The following RBMS1 variants were observed in gnomAD, a reference collection of about 807,000 sequenced individuals.
RBMS1 encodes RNA binding motif single stranded interacting protein 1, also known as RNA-binding motif, single-stranded-interacting protein 1.
A neutral mutation model predicts 62.3 loss-of-function variants in RBMS1; 17 were observed. The ratio of observed to expected loss-of-function variants is 0.27; its 90% CI spans 0.19 to 0.41. The LOEUF (loss-of-function observed/expected upper bound fraction) is 0.41. Among genes scored for constraint, RBMS1 ranks in the 10% least tolerant of loss-of-function variants. The pLI, the probability that RBMS1 is intolerant of heterozygous loss-of-function variation, is 1.00. For synonymous variants in RBMS1, 172 were observed against 170.0 expected (o/e 1.01, Z -0.09); for missense variants, 334 against 504.5 (o/e 0.66, Z 3.24).
At chr2:160,284,901 T>G (rs757696317) in intron 8 of RBMS1, 33 bp from the exon 9 acceptor site, 5 of 1,566,782 alleles carry the variant, frequency 3.2e-6, no homozygotes, top group Non-Finnish European at 4.4e-6. Context: ...TATTAAGTAA[T>G]CCTTTAAATA....
intron 1 of RBMS1, among the ~76,000 whole-genome samples, chr2:160,434,547 T>C (rs894300425): frequency 5.3e-5 from 8 of 151,996 alleles, no homozygotes; most frequent in African/African-American, 1.9e-4. Context: ...GTGCTATCCA[T>C]TAGAATTTTC....
chr2:160,310,306 C>T lies in RBMS1; in HGVS notation c.402+2850G>A, dbSNP rs561890698. ...CCTGATCACCAAATAATACGGTTGTCAGCCAACAATTGCTTTTTAGGCTGT... is the reference window on the plus strand; with the variant it reads ...CCTGATCACCAAATAATACGGTTGTTAGCCAACAATTGCTTTTTAGGCTGT... On this transcript the variant is annotated intron_variant, in intron 4 of 13. Coordinates refer to ENST00000348849, the MANE Select transcript of RBMS1 (RefSeq NM_016836.4). Among the ~76,000 whole-genome samples, 10 of 152,290 alleles carry T rather than the reference C, an allele frequency of 6.6e-5. No individual in the cohort carries two copies. The South Asian group carries it at 2.1e-3, about 32-fold the overall frequency.
Position 160,471,716 on chromosome 2 carries a change from T to A in RBMS1, c.75+21573A>T, listed in dbSNP as rs5835808. On this transcript the variant is annotated intron_variant, in intron 1 of 13. Coordinates refer to ENST00000348849, the MANE Select transcript of RBMS1 (RefSeq NM_016836.4). ...GTATATATATATATATATATATATATAACCTTTCATACATTCTGATTATAA... is the reference window on the plus strand; with the variant it reads ...GTATATATATATATATATATATATAAAACCTTTCATACATTCTGATTATAA... 5.1e-3 allele frequency among the ~76,000 whole-genome samples: 386 copies of A among 75,928 alleles called. 16 individuals are homozygous for A. Among genetic ancestry groups the A allele is most frequent in the Middle Eastern group, 0.023 (3 of 130 alleles). The allele number at this position is 75,928 out of a possible 152,430, so 49.8% of individuals were successfully genotyped here.
chr2:160,491,169 G>A (rs1168376298), intron 1 of RBMS1, among the ~76,000 whole-genome samples: 1 of 151,744 alleles, frequency 6.6e-6, no homozygotes, highest in Non-Finnish European at 1.5e-5. Flanking sequence ...ATCTAGTCAC[G>A]TGCCATTTTT....
chr2:160,482,916 A>G (rs1685427087), intron 1 of RBMS1, among the ~76,000 whole-genome samples: 1 of 152,234 alleles, frequency 6.6e-6, no homozygotes, highest in African/African-American at 2.4e-5. Context: ...CACACAGTCA[A>G]ATCAAATTTT....
At chr2:160,469,552 A>G (rs1008346195) in intron 1 of RBMS1, among the ~76,000 whole-genome samples, 3 of 152,024 alleles carry the variant, frequency 2.0e-5, no homozygotes, top group African/African-American at 7.3e-5. Flanking sequence ...TCACTATCCA[A>G]CGCTTTCTAG....
chr2:160,415,162 C>T (rs1472999102), intron 1 of RBMS1, among the ~76,000 whole-genome samples: 1 of 151,300 alleles, frequency 6.6e-6, no homozygotes, highest in East Asian at 1.9e-4. Context: ...CTATTGTAAG[C>T]CTATAAAAAT....
chr2:160,312,311 C>T (rs1308556077), intron 4 of RBMS1, among the ~76,000 whole-genome samples: 1 of 152,108 alleles, frequency 6.6e-6, no homozygotes, highest in African/African-American at 2.4e-5. Context: ...ACTCCATTTA[C>T]ATCCAGAAAC....
intron 2 of RBMS1, among the ~76,000 whole-genome samples, chr2:160,331,529 C>T (rs1048851358): frequency 6.6e-6 from 1 of 152,098 alleles, no homozygotes; most frequent in Non-Finnish European, 1.5e-5. Context: ...TTTTCCTCCT[C>T]GTATATGAGG....
intron 1 of RBMS1, among the ~76,000 whole-genome samples, chr2:160,405,228 A>C (rs1393233613): frequency 1.3e-5 from 2 of 150,910 alleles, no homozygotes; most frequent in Non-Finnish European, 2.9e-5. Context: ...TTTTTTCCAA[A>C]GGTGACTGTA....
chr2:160,422,057 C>CT (rs1696455203), intron 1 of RBMS1, among the ~76,000 whole-genome samples: 1 of 152,200 alleles, frequency 6.6e-6, no homozygotes, highest in Admixed American at 6.5e-5. Flanking sequence ...CTGTTAGCTA[C>CT]TTTCACCTAA....
chr2:160,340,911 A>C (rs761844563), intron 2 of RBMS1, among the ~76,000 whole-genome samples: 1 of 152,206 alleles, frequency 6.6e-6, no homozygotes, highest in Non-Finnish European at 1.5e-5. Flanking sequence ...ACTTTTATAG[A>C]CAGTGTCATA....
At chr2:160,474,930 A>T (rs1204419756) in intron 1 of RBMS1, among the ~76,000 whole-genome samples, 1 of 152,226 alleles carries the variant, frequency 6.6e-6, no homozygotes, top group Non-Finnish European at 1.5e-5. Flanking sequence ...AATCTTTCAC[A>T]TTCTTGTTGA....
intron 6 of RBMS1, 27 bp from the exon 7 acceptor site, chr2:160,287,111 A>T: frequency 6.2e-7 from 1 of 1,612,618 alleles, no homozygotes; most frequent in Non-Finnish European, 8.5e-7. Flanking sequence ...AAATAAAATG[A>T]AACCACAATG....
intron 6 of RBMS1, among the ~76,000 whole-genome samples, chr2:160,295,203 A>T (rs879880314): frequency 6.6e-6 from 1 of 152,198 alleles, no homozygotes; most frequent in Non-Finnish European, 1.5e-5. Context: ...CTCCTGTGCA[A>T]AAAGGTGGTA....
chr2:160,398,936 C>T (rs1333774490), intron 1 of RBMS1, among the ~76,000 whole-genome samples: 2 of 152,146 alleles, frequency 1.3e-5, no homozygotes, highest in South Asian at 2.1e-4. Context: ...CCACATTTTA[C>T]ATCTTTATTT....
At chr2:160,276,371 A>AC (rs1559302576) in intron 12 of RBMS1, among the ~76,000 whole-genome samples, 8 of 148,036 alleles carry the variant, frequency 5.4e-5, no homozygotes, top group African/African-American at 2.1e-4. Flanking sequence ...ACCACCACCA[A>AC]CACCTACTAC....
chr2:160,307,326 GATTATATTCCT>G (rs1283288871), intron 4 of RBMS1, among the ~76,000 whole-genome samples: 1 of 132,888 alleles, frequency 7.5e-6, no homozygotes, highest in Non-Finnish European at 1.6e-5. Context: ...GGAGAGGGGG[GATTATATTCCT>G]GCTCGTGTGA....
At chr2:160,329,653 T>A (rs1030233248) in intron 2 of RBMS1, among the ~76,000 whole-genome samples, 4 of 151,964 alleles carry the variant, frequency 2.6e-5, no homozygotes, top group African/African-American at 9.7e-5. Context: ...AATTACCATA[T>A]CCCAAATGAA....
Sources: allele counts gnomAD v4.1 joint callset (sites outside exome capture counted in the v4.1 genomes callset), GRCh38; gene constraint gnomAD v4.1.1; transcripts MANE v1.5; gene names NCBI Gene and HGNC (gene_info 2026-07-23, HGNC 2026-07-21).